The following HTR2A variants were observed in gnomAD, a reference collection of about 807,000 sequenced individuals.
HTR2A encodes the protein 5-HT2 receptor.
In HTR2A, 14 loss-of-function variants were observed where a neutral mutation model predicts 31.0. That is an observed-to-expected ratio of 0.45 (90% CI 0.30 to 0.71). The LOEUF (loss-of-function observed/expected upper bound fraction) is 0.71. Among genes scored for constraint, HTR2A ranks in the 30% least tolerant of loss-of-function variants. The pLI is 0.09. For synonymous variants in HTR2A, 209 were observed against 225.2 expected (o/e 0.93, Z 0.64); for missense variants, 442 against 573.3 (o/e 0.77, Z 2.34).
chr13:46,873,674 C>A (rs1473251048), intron 3 of HTR2A, among the ~76,000 whole-genome samples: 1 of 151,904 alleles, frequency 6.6e-6, no homozygotes, highest in Admixed American at 6.6e-5. Flanking sequence ...TCAATTCCCA[C>A]CTATGAGTGA....
chr13:46,885,301 C>A (rs1003415537), intron 3 of HTR2A, among the ~76,000 whole-genome samples: 1 of 152,028 alleles, frequency 6.6e-6, no homozygotes. Context: ...CTGGGTAATA[C>A]GAGGCAGGAT....
At position 46,832,486 on chromosome 13, in the gene HTR2A, T is replaced by C. The variant is rs745611455; in HGVS notation, c.*2351A>G. On this transcript the variant is annotated 3_prime_UTR_variant, in exon 4 of 4. Coordinates refer to ENST00000542664, the MANE Select transcript of HTR2A (RefSeq NM_000621.5). The stretch of plus-strand genomic sequence containing the variant: ...GTCAAAAGACATCTATCAGGCAACA[T>C]TAATGTACATTCTGATCAAGATTGA... The C allele has an allele frequency of 1.3e-5, 2 of 152,204 alleles. No individual in the cohort carries two copies. The highest frequency in any genetic ancestry group is 2.9e-5 in the Non-Finnish European group (2 of 68,012). The allele number at this position is 152,204 out of a possible 1,614,324, so 9.4% of individuals were successfully genotyped here. A position where few individuals can be genotyped will look rare whatever the true frequency, so the allele number is the denominator to read the frequency against.
intron 3 of HTR2A, among the ~76,000 whole-genome samples, chr13:46,836,178 C>T (rs1876447344): frequency 6.7e-6 from 1 of 148,314 alleles, no homozygotes; most frequent in African/African-American, 2.5e-5. Flanking sequence ...ACAAATAGTT[C>T]TGTATCTTTT....
At chr13:46,836,272 A>G (rs1876450713) in intron 3 of HTR2A, among the ~76,000 whole-genome samples, 1 of 151,998 alleles carries the variant, frequency 6.6e-6, no homozygotes, top group African/African-American at 2.4e-5. Context: ...TTTTCTCTCT[A>G]GAAAATTTGG....
At chr13:46,888,314 ATGATAAAGT>A (rs1951025853) in intron 3 of HTR2A, among the ~76,000 whole-genome samples, 1 of 152,232 alleles carries the variant, frequency 6.6e-6, no homozygotes, top group Non-Finnish European at 1.5e-5. Context: ...TAAGTACATC[ATGATAAAGT>A]TGCTAAAATA....
chr13:46,892,288 A>T, intron 3 of HTR2A, 102 bp downstream of exon 3: 1 of 1,088,206 alleles, frequency 9.2e-7, no homozygotes, highest in Non-Finnish European at 1.4e-6. Flanking sequence ...CCAAAACAGT[A>T]GATTGAGGAT....
At chr13:46,887,171 G>A (rs1951012825) in intron 3 of HTR2A, among the ~76,000 whole-genome samples, 1 of 152,078 alleles carries the variant, frequency 6.6e-6, no homozygotes, top group East Asian at 1.9e-4. Flanking sequence ...TGTAATCCCG[G>A]CACTTTGGGA....
At chr13:46,853,290 T>G (rs1593430651) in intron 3 of HTR2A, among the ~76,000 whole-genome samples, 1 of 152,072 alleles carries the variant, frequency 6.6e-6, no homozygotes, top group East Asian at 1.9e-4. Context: ...GGCTCCCAGA[T>G]CCTCCATCTG....
At chr13:46,847,275 C>T (rs1231540855) in intron 3 of HTR2A, among the ~76,000 whole-genome samples, 1 of 152,160 alleles carries the variant, frequency 6.6e-6, no homozygotes, top group Non-Finnish European at 1.5e-5. Flanking sequence ...TTTCAATTTC[C>T]CACTTTTTTC....
At chr13:46,887,235 T>C (rs1196423753) in intron 3 of HTR2A, among the ~76,000 whole-genome samples, 2 of 151,792 alleles carry the variant, frequency 1.3e-5, no homozygotes, top group South Asian at 2.1e-4. Flanking sequence ...CTGGCTAACA[T>C]GGTGAAACCC....
intron 3 of HTR2A, among the ~76,000 whole-genome samples, chr13:46,857,506 C>T (rs902458955): frequency 6.6e-6 from 1 of 152,080 alleles, no homozygotes; most frequent in African/African-American, 2.4e-5. Context: ...AGAGCTCTGC[C>T]TTCATGATTT....
At chr13:46,853,718 C>T (rs889108183) in intron 3 of HTR2A, among the ~76,000 whole-genome samples, 1 of 152,094 alleles carries the variant, frequency 6.6e-6, no homozygotes, top group African/African-American at 2.4e-5. Context: ...TCCAGGGTAG[C>T]GTGGACACTC....
chr13:46,880,668 G>A (rs571584359), intron 3 of HTR2A, among the ~76,000 whole-genome samples: 31 of 151,928 alleles, frequency 2.0e-4, no homozygotes, highest in East Asian at 1.9e-4. Flanking sequence ...GTGAAACCCC[G>A]TCTCCAATAA....
chr13:46,843,943 C>T (rs1321288398), intron 3 of HTR2A, among the ~76,000 whole-genome samples: 3 of 152,096 alleles, frequency 2.0e-5, no homozygotes, highest in Non-Finnish European at 4.4e-5. Context: ...GTTTCCAAAC[C>T]ACACCCTACA....
chr13:46,886,605 C>A (rs61948341), intron 3 of HTR2A, among the ~76,000 whole-genome samples: 8 of 151,998 alleles, frequency 5.3e-5, no homozygotes, highest in Non-Finnish European at 7.4e-5. Context: ...AATATTAGTA[C>A]CACATAAAGC....
In HTR2A at chr13:46,839,095, AAAAGCCACTCTAC is replaced by A. The variant is rs377248973; in HGVS notation, c.614-3469_614-3457del. On this transcript the variant is annotated intron_variant, in intron 3 of 3. Coordinates refer to ENST00000542664, the MANE Select transcript of HTR2A (RefSeq NM_000621.5). The stretch of plus-strand genomic sequence containing the variant: ...ATCCCTCTCTTAAATGCCCGGGATA[AAAAGCCACTCTAC>A]AAGAGGATGTGGTAAGAGGTTACAC... Among the ~76,000 whole-genome samples, 265 of 152,196 alleles carry A rather than the reference AAAAGCCACTCTAC, an allele frequency of 1.7e-3. 1 individual carries two copies. Among genetic ancestry groups the A allele is most frequent in the African/African-American group, 6.1e-3 (255 of 41,548 alleles).
chr13:46,861,975 T>A (rs546076617), intron 3 of HTR2A, among the ~76,000 whole-genome samples: 76 of 152,346 alleles, frequency 5.0e-4, no homozygotes, highest in African/African-American at 1.6e-3. Context: ...TCCTTGTTTG[T>A]CTATAAGATA....
chr13:46,876,641 C>T (rs1184209401), intron 3 of HTR2A, among the ~76,000 whole-genome samples: 3 of 151,856 alleles, frequency 2.0e-5, no homozygotes, highest in African/African-American at 7.3e-5. Flanking sequence ...TGGTCTCGAT[C>T]TCCTGACCTT....
At chr13:46,894,142 C>T (rs534394038) in intron 2 of HTR2A, among the ~76,000 whole-genome samples, 1 of 152,210 alleles carries the variant, frequency 6.6e-6, no homozygotes, top group South Asian at 2.1e-4. Context: ...GGGAGAAGCC[C>T]CATGCCCCAC....
Sources: gnomAD v4.1 joint callset for allele counts (sites outside exome capture counted in the v4.1 genomes callset) on GRCh38, gnomAD v4.1.1 for gene constraint, MANE v1.5 for transcripts, NCBI Gene and HGNC (gene_info 2026-07-23, HGNC 2026-07-21) for gene names.